The following PTPRN2 variants were observed in gnomAD, a reference collection of about 807,000 sequenced individuals.
The protein encoded by PTPRN2 is receptor-type tyrosine-protein phosphatase N2.
PTPRN2 carries 74 observed loss-of-function variants against 118.8 expected under a neutral mutation model. The observed-to-expected ratio is 0.62, with a 90% confidence interval of 0.52 to 0.76. The LOEUF is 0.76. Ranked by LOEUF, PTPRN2 falls within the 30% of genes least tolerant of loss-of-function variation. The pLI is 0.00. For missense variants in PTPRN2, 1,481 were observed against 1,394.4 expected (o/e 1.06, Z -0.99); for synonymous variants, 641 against 608.0 (o/e 1.05, Z -0.80).
At chr7:158,415,083 C>A (rs528128268) in intron 2 of PTPRN2, among the ~76,000 whole-genome samples, 1 of 149,932 alleles carries the variant, frequency 6.7e-6, no homozygotes, top group African/African-American at 2.4e-5. Flanking sequence ...GATGATACAA[C>A]CAGCTACTTC....
intron 3 of PTPRN2, among the ~76,000 whole-genome samples, chr7:158,208,031 C>A (rs1827295168): frequency 6.6e-6 from 1 of 152,148 alleles, no homozygotes. Context: ...CTCTTGACAG[C>A]AGAGTTGACC....
At chr7:158,267,235 G>A (rs1471654476) in intron 3 of PTPRN2, among the ~76,000 whole-genome samples, 5 of 152,216 alleles carry the variant, frequency 3.3e-5, no homozygotes, top group African/African-American at 1.2e-4. Flanking sequence ...GCCGAGCAGC[G>A]AGGCACTGTG....
intron 12 of PTPRN2, among the ~76,000 whole-genome samples, chr7:157,753,534 C>G (rs1049848202): frequency 1.1e-4 from 16 of 152,198 alleles, no homozygotes; most frequent in African/African-American, 3.9e-4. Context: ...CCGTCTGGGC[C>G]GCAGCTCACA....
In PTPRN2 at chr7:157,964,098, C is replaced by T. The variant is rs980589158; in HGVS notation, c.1724-65361G>A. On this transcript the variant is annotated intron_variant, in intron 11 of 22. Coordinates refer to ENST00000389418, the MANE Select transcript of PTPRN2 (RefSeq NM_002847.5). The surrounding 1 kb of genome is among the most constrained non-coding windows in gnomAD (Gnocchi z 9.0). ...TTCATCTGTAAGAGGCTGTTGAGGG[C>T]ACGACCACCTCGCAGTGACCTCCCT... Among the ~76,000 whole-genome samples the T allele has an allele frequency of 5.9e-5, 9 of 152,234 alleles. No homozygotes were observed. Among genetic ancestry groups the T allele is most frequent in the Non-Finnish European group, 8.8e-5 (6 of 68,022 alleles).
chr7:158,557,487 C>T (rs573642615), intron 1 of PTPRN2, among the ~76,000 whole-genome samples: 12 of 152,342 alleles, frequency 7.9e-5, no homozygotes, highest in Admixed American at 3.9e-4. Flanking sequence ...TCCACTCAGT[C>T]GCTTCTTGGC....
At chr7:157,612,152 G>A (rs905859088) in intron 15 of PTPRN2, among the ~76,000 whole-genome samples, 8 of 152,232 alleles carry the variant, frequency 5.3e-5, no homozygotes, top group African/African-American at 1.9e-4. Context: ...TGCCTGCACG[G>A]AGAAAGCGCC....
intron 12 of PTPRN2, among the ~76,000 whole-genome samples, chr7:157,754,112 G>C (rs1463546454): frequency 1.3e-5 from 2 of 152,236 alleles, no homozygotes; most frequent in African/African-American, 4.8e-5. Context: ...CGAGGAGTTG[G>C]GGTGTGAAAA....
intron 1 of PTPRN2, among the ~76,000 whole-genome samples, chr7:158,501,596 G>T (rs1822365939): frequency 6.6e-6 from 1 of 152,168 alleles, no homozygotes; most frequent in Non-Finnish European, 1.5e-5. Context: ...TCGCAGGGGG[G>T]GACCTCCTGC....
intron 1 of PTPRN2, among the ~76,000 whole-genome samples, chr7:158,530,002 C>T (rs1825103866): frequency 6.6e-6 from 1 of 152,186 alleles, no homozygotes; most frequent in Non-Finnish European, 1.5e-5. Flanking sequence ...ACACGCATGC[C>T]ACATGCACAC....
At chr7:157,775,371 C>T (rs1256089110) in intron 12 of PTPRN2, among the ~76,000 whole-genome samples, 2 of 152,214 alleles carry the variant, frequency 1.3e-5, no homozygotes, top group Non-Finnish European at 1.5e-5. Context: ...TGGGCAGTCC[C>T]TATTCTCCCA....
intron 9 of PTPRN2, among the ~76,000 whole-genome samples, chr7:158,128,503 G>A (rs554130885): frequency 4.6e-5 from 7 of 152,124 alleles, no homozygotes; most frequent in South Asian, 4.2e-4. Flanking sequence ...AAATAAACTC[G>A]AATGCAAAGA....
At chr7:158,061,983 C>T (rs149255173) in intron 11 of PTPRN2, among the ~76,000 whole-genome samples, 9 of 152,374 alleles carry the variant, frequency 5.9e-5, no homozygotes, top group South Asian at 2.1e-4. Flanking sequence ...CCCACGAAGG[C>T]GGAGCTGGGC....
At chr7:158,097,798 G>C (rs866176577) in intron 10 of PTPRN2, among the ~76,000 whole-genome samples, 3 of 152,308 alleles carry the variant, frequency 2.0e-5, no homozygotes, top group Non-Finnish European at 4.4e-5. Context: ...AGAAATAATG[G>C]GATTTATGTG....
At chr7:158,219,594 C>A (rs1381710495) in intron 3 of PTPRN2, among the ~76,000 whole-genome samples, 1 of 151,630 alleles carries the variant, frequency 6.6e-6, no homozygotes, top group Non-Finnish European at 1.5e-5. Flanking sequence ...GAAATTGGGA[C>A]ACAAAAACAC....
chr7:157,792,082 G>T (rs2151077817), intron 12 of PTPRN2, among the ~76,000 whole-genome samples: 1 of 152,312 alleles, frequency 6.6e-6, no homozygotes. Flanking sequence ...GGGCGAAGTG[G>T]CCCCTGCCTG....
At chr7:158,389,087 T>C (rs1811725481) in intron 2 of PTPRN2, among the ~76,000 whole-genome samples, 1 of 152,208 alleles carries the variant, frequency 6.6e-6, no homozygotes, top group African/African-American at 2.4e-5. Context: ...GGCAGGGCAG[T>C]GCCTGGGCCT....
Position 158,316,823 on chromosome 7 carries a change from GC to G in PTPRN2, c.272del (p.Gly91AlafsTer14). The G allele has an allele frequency of 6.2e-7, 1 of 1,600,804 alleles. No individual in the cohort carries two copies. The highest frequency in any genetic ancestry group is 8.5e-7 in the Non-Finnish European group (1 of 1,177,470). ...RLRVALQKLS[G>X]TGFTWQDDYT... ...CTCGGCCCACGCCCGCCCTACCTGTGCCGGAAAGCTTCTGCAACGCCACGCG... is the reference window on the plus strand; with the variant it reads ...CTCGGCCCACGCCCGCCCTACCTGTGCGGAAAGCTTCTGCAACGCCACGCG... On this transcript the variant is annotated frameshift_variant, in exon 3 of 23. Transcript: ENST00000389418. LOFTEE classifies it high-confidence loss of function.
In PTPRN2 at chr7:157,861,219, A is replaced by C. The variant is rs1810211495; in HGVS notation, c.1788+37454T>G. On this transcript the variant is annotated intron_variant, in intron 12 of 22. Coordinates refer to ENST00000389418, the MANE Select transcript of PTPRN2 (RefSeq NM_002847.5). This position sits in a 1 kb window ranked among gnomAD's most constrained non-coding sequence, Gnocchi z 5.8. ...GGTGACACTGCCCCACGGGGTCCAA[A>C]TGCTGAATTCCTGTACCTTTTACAT... Among the ~76,000 whole-genome samples the C allele has an allele frequency of 6.6e-6, 1 of 152,226 alleles. No homozygotes were observed.
intron 11 of PTPRN2, among the ~76,000 whole-genome samples, chr7:157,930,636 G>A (rs1001287081): frequency 6.6e-6 from 1 of 152,190 alleles, no homozygotes. Context: ...CTGAGGTGGT[G>A]CCTGAAATCC....
Sources: allele counts gnomAD v4.1 joint callset (sites outside exome capture counted in the v4.1 genomes callset), GRCh38; gene constraint gnomAD v4.1.1; non-coding constraint Gnocchi (gnomAD v3.1); transcripts MANE v1.5; gene names NCBI Gene and HGNC (gene_info 2026-07-23, HGNC 2026-07-21).